The following QKI variants were observed in gnomAD, a reference collection of about 807,000 sequenced individuals.
QKI encodes QKI, KH domain containing RNA binding.
A neutral mutation model predicts 39.0 loss-of-function variants in QKI; 10 were observed. The observed-to-expected ratio is 0.26, with a 90% CI of 0.16 to 0.43. The LOEUF (loss-of-function observed/expected upper bound fraction) is 0.43, where lower values mean the gene tolerates loss of function less well. Among genes scored for constraint, QKI ranks in the 20% least tolerant of loss-of-function variants. The pLI is 1.00. For missense variants in QKI, 218 were observed against 428.0 expected, an observed-to-expected ratio of 0.51 and a Z score of 4.33; for synonymous variants, 204 against 155.4, an observed-to-expected ratio of 1.31 and a Z score of -2.33.
At chr6:163,435,290 C>T (rs928709785) in intron 1 of QKI, among the ~76,000 whole-genome samples, 9 of 152,156 alleles carry the variant, frequency 5.9e-5, no homozygotes, top group Non-Finnish European at 1.5e-5. Flanking sequence ...AATGATTTTG[C>T]CGGCAGCAGT....
Position 163,416,416 on chromosome 6 carries a change from AGTTT to A in QKI, c.142+1090_142+1093del, listed in dbSNP as rs376580754. On this transcript the variant is annotated intron_variant, in intron 1 of 7. Coordinates refer to ENST00000361752, the MANE Select transcript of QKI (RefSeq NM_006775.3). ...CTGTTTCGAAAATCGACTGGCCAGG[AGTTT>A]GTTTGTTTTTTTTTCCTGCTTAGAG... is the stretch of plus-strand genomic sequence containing the variant. 841 of 160,296 alleles carry A rather than the reference AGTTT, an allele frequency of 5.2e-3. 7 individuals carry two copies. The highest frequency in any genetic ancestry group is 0.016 in the African/African-American group (666 of 41,538). The allele number at this position is 160,296 out of a possible 1,614,324, so 9.9% of individuals were successfully genotyped here.
At chr6:163,483,915 T>A (rs1318848809) in intron 3 of QKI, among the ~76,000 whole-genome samples, 2 of 152,210 alleles carry the variant, frequency 1.3e-5, no homozygotes, top group Admixed American at 6.5e-5. Flanking sequence ...TGAAAGACAT[T>A]TCTTAAATAA....
chr6:163,443,465 G>C (rs1789909746), intron 1 of QKI, among the ~76,000 whole-genome samples: 1 of 152,226 alleles, frequency 6.6e-6, no homozygotes, highest in African/African-American at 2.4e-5. Flanking sequence ...CTACTTGGGA[G>C]ACTGAGGCAG....
intron 4 of QKI, among the ~76,000 whole-genome samples, chr6:163,559,828 C>CTG (rs749897350): frequency 1.3e-5 from 2 of 152,186 alleles, no homozygotes; most frequent in African/African-American, 2.4e-5. Flanking sequence ...ACTGAGAAGC[C>CTG]TGTGTCCTGG....
chr6:163,441,952 A>G (rs937365379), intron 1 of QKI, among the ~76,000 whole-genome samples: 1 of 152,220 alleles, frequency 6.6e-6, no homozygotes, highest in African/African-American at 2.4e-5. Flanking sequence ...CTTTTATACC[A>G]ACTGAGATGG....
chr6:163,563,290 A>G (rs1783143512), intron 5 of QKI, 130 bp from the exon 6 acceptor site: 2 of 805,914 alleles, frequency 2.5e-6, no homozygotes, highest in Non-Finnish European at 3.8e-6. Context: ...TGATCAGCGC[A>G]TGTACTAATG....
intron 1 of QKI, among the ~76,000 whole-genome samples, chr6:163,422,014 T>G (rs1788032959): frequency 1.3e-5 from 2 of 152,010 alleles, no homozygotes; most frequent in African/African-American, 4.8e-5. Context: ...CCCCATGATC[T>G]GACCGCCTCG....
intron 4 of QKI, among the ~76,000 whole-genome samples, chr6:163,551,280 G>A (rs771339487): frequency 1.3e-5 from 2 of 152,268 alleles, no homozygotes; most frequent in Non-Finnish European, 1.5e-5. Context: ...GGTGTCCTCC[G>A]ATTTAATCCT....
intron 4 of QKI, among the ~76,000 whole-genome samples, chr6:163,548,434 C>T (rs995878855): frequency 2.6e-5 from 4 of 152,148 alleles, no homozygotes; most frequent in Non-Finnish European, 5.9e-5. Flanking sequence ...TTTAAATCAC[C>T]TCATTAGGTT....
intron 3 of QKI, among the ~76,000 whole-genome samples, chr6:163,530,823 G>A (rs181429851): frequency 2.0e-5 from 3 of 152,074 alleles, no homozygotes; most frequent in African/African-American, 7.2e-5. Context: ...TGAAGTGTCC[G>A]CTTCATTTAT....
chr6:163,429,133 C>G (rs1788636777), intron 1 of QKI: 1 of 152,018 alleles, frequency 6.6e-6, no homozygotes, highest in Non-Finnish European at 1.5e-5. Context: ...ATAGCAATGG[C>G]CAATTTTGTC....
intron 7 of QKI, chr6:163,569,960 A>T: frequency 2.0e-6 from 2 of 986,406 alleles, no homozygotes; most frequent in East Asian, 1.1e-4. Flanking sequence ...ATATGTGTAA[A>T]ATAGTATTTT....
intron 2 of QKI, among the ~76,000 whole-genome samples, chr6:163,468,317 A>G (rs1791931033): frequency 6.6e-6 from 1 of 152,194 alleles, no homozygotes; most frequent in Non-Finnish European, 1.5e-5. Flanking sequence ...CATTTTTTAA[A>G]TGAAAACTTG....
intron 2 of QKI, among the ~76,000 whole-genome samples, chr6:163,470,542 C>T (rs1408124306): frequency 1.3e-5 from 2 of 152,012 alleles, no homozygotes; most frequent in African/African-American, 4.8e-5. Context: ...AGAAAATAAG[C>T]ACACAAGGAG....
At chr6:163,490,303 C>T (rs1303436170) in intron 3 of QKI, among the ~76,000 whole-genome samples, 2 of 152,206 alleles carry the variant, frequency 1.3e-5, no homozygotes, top group African/African-American at 2.4e-5. Flanking sequence ...TAATTTAATA[C>T]AATCTGCGGC....
intron 3 of QKI, among the ~76,000 whole-genome samples, chr6:163,509,226 A>G (rs555871538): frequency 6.6e-6 from 1 of 152,306 alleles, no homozygotes; most frequent in East Asian, 1.9e-4. Flanking sequence ...AAAATATCTT[A>G]AAAATAAAGG....
intron 4 of QKI, among the ~76,000 whole-genome samples, chr6:163,536,271 A>C (rs1174338378): frequency 6.6e-6 from 1 of 152,100 alleles, no homozygotes; most frequent in East Asian, 1.9e-4. Flanking sequence ...GTATTGAAAA[A>C]CTGTATAGAA....
At chr6:163,455,985 C>T (rs535421873) in intron 2 of QKI, among the ~76,000 whole-genome samples, 7 of 152,258 alleles carry the variant, frequency 4.6e-5, no homozygotes, top group East Asian at 1.9e-4. Flanking sequence ...CTATATGATA[C>T]GGTCCATTCT....
intron 1 of QKI, among the ~76,000 whole-genome samples, chr6:163,433,865 A>G (rs1179737895): frequency 1.3e-5 from 2 of 152,246 alleles, no homozygotes; most frequent in Non-Finnish European, 2.9e-5. Context: ...AAATGTGTAC[A>G]TACACATTTA....
Sources: allele counts gnomAD v4.1 joint callset (sites outside exome capture counted in the v4.1 genomes callset), GRCh38; gene constraint gnomAD v4.1.1; transcripts MANE v1.5; gene names NCBI Gene and HGNC (gene_info 2026-07-23, HGNC 2026-07-21).